RAP1GAP2: variants seen among roughly 807,000 people sequenced by gnomAD.
RAP1GAP2 encodes RAP1 GTPase activating protein 2, also known as rap1 GTPase-activating protein 2.
Under a neutral mutation model 95.0 loss-of-function variants are expected in RAP1GAP2, and 27 were observed. The observed-to-expected ratio is 0.28, with a 90% CI of 0.21 to 0.39. The LOEUF is 0.39. Ranked by LOEUF, RAP1GAP2 falls within the 10% of genes least tolerant of loss-of-function variation. RAP1GAP2 has a pLI of 1.00. For missense variants in RAP1GAP2, 771 were observed against 970.0 expected, an observed-to-expected ratio of 0.79 and a Z score of 2.72; for synonymous variants, 373 against 380.9, an observed-to-expected ratio of 0.98 and a Z score of 0.24.
intron 8 of RAP1GAP2, among the ~76,000 whole-genome samples, chr17:2,976,247 G>A (rs1296412814): frequency 6.6e-6 from 1 of 152,176 alleles, no homozygotes; most frequent in Non-Finnish European, 1.5e-5. Flanking sequence ...TGGCTAACAT[G>A]TATTCTTGCT....
chr17:2,977,134 AAAAG>A (rs2045156167), intron 8 of RAP1GAP2, among the ~76,000 whole-genome samples: 1 of 151,666 alleles, frequency 6.6e-6, no homozygotes, highest in African/African-American at 2.4e-5. Flanking sequence ...AAAAAAAAAA[AAAAG>A]AAAAAAAGAA....
chr17:2,804,574 C>T lies in RAP1GAP2; in HGVS notation c.80+4024C>T, dbSNP rs186067628. Among the ~76,000 whole-genome samples the T allele has an allele frequency of 4.4e-3, 670 of 152,268 alleles. 10 individuals are homozygous for T. Among genetic ancestry groups the T allele is most frequent in the Non-Finnish European group, 4.2e-3 (288 of 68,004 alleles). ...GGGCTGTGTATATAGAATCCGTGGC[C>T]GCAGAATGCACCTCCGCCTCCACGA... is the stretch of plus-strand genomic sequence containing the variant. On this transcript the variant is annotated intron_variant, in intron 2 of 24. Transcript: ENST00000254695.
At chr17:2,791,387 C>G (rs973263988) in intron 1 of RAP1GAP2, among the ~76,000 whole-genome samples, 3 of 152,148 alleles carry the variant, frequency 2.0e-5, no homozygotes, top group Admixed American at 6.5e-5. Context: ...GGAGCCCGTC[C>G]AGCCAGGCAT....
intron 2 of RAP1GAP2, among the ~76,000 whole-genome samples, chr17:2,884,616 C>T (rs777588623): frequency 2.4e-4 from 36 of 151,880 alleles, no homozygotes; most frequent in African/African-American, 8.0e-4. Flanking sequence ...TCAGGTGATC[C>T]GCCTGCCTCG....
chr17:2,932,346 G>GGT (rs2151414081), intron 3 of RAP1GAP2, among the ~76,000 whole-genome samples: 2 of 152,012 alleles, frequency 1.3e-5, no homozygotes, highest in African/African-American at 4.8e-5. Context: ...TCTCTCTGGG[G>GGT]GACAACTGCA....
chr17:2,795,112 A>G (rs1000542142), upstream of RAP1GAP2, among the ~76,000 whole-genome samples: 1 of 151,580 alleles, frequency 6.6e-6, no homozygotes, highest in Non-Finnish European at 1.5e-5. Context: ...TCCTGACCTC[A>G]GGTGATCCAC....
chr17:2,798,857 T>G (rs929583009), intron 1 of RAP1GAP2, among the ~76,000 whole-genome samples: 42 of 152,256 alleles, frequency 2.8e-4, no homozygotes, highest in South Asian at 1.7e-3. Flanking sequence ...GTGACCACGG[T>G]GCCTGTAGGT....
intron 1 of RAP1GAP2, among the ~76,000 whole-genome samples, chr17:2,780,575 C>T (rs2068622957): frequency 6.6e-6 from 1 of 152,212 alleles, no homozygotes; most frequent in Admixed American, 6.5e-5. Context: ...GGAGAGGTCA[C>T]AGAGTGGGGA....
chr17:2,937,510 G>A (rs2043341546), intron 3 of RAP1GAP2, among the ~76,000 whole-genome samples: 1 of 152,176 alleles, frequency 6.6e-6, no homozygotes, highest in Non-Finnish European at 1.5e-5. Context: ...CTGGCTCTGA[G>A]TAGGAGTGGA....
chr17:2,935,334 C>T (rs892613317), intron 3 of RAP1GAP2, among the ~76,000 whole-genome samples: 4 of 152,128 alleles, frequency 2.6e-5, no homozygotes, highest in Admixed American at 2.0e-4. Flanking sequence ...ATGGTGAAAC[C>T]CCATCTCTAC....
intron 2 of RAP1GAP2, among the ~76,000 whole-genome samples, chr17:2,815,814 T>C (rs117711617): frequency 0.026 from 3,908 of 152,318 alleles, 79 homozygotes; most frequent in Non-Finnish European, 0.039. Flanking sequence ...TCCTGGGCTG[T>C]GCGGTCACAC....
At chr17:2,768,921 C>T (rs2068328922) in intron 1 of RAP1GAP2, among the ~76,000 whole-genome samples, 1 of 151,800 alleles carries the variant, frequency 6.6e-6, no homozygotes, top group South Asian at 2.1e-4. Context: ...AGCCCTTCTC[C>T]TGCTGTGAAA....
intron 1 of RAP1GAP2, among the ~76,000 whole-genome samples, chr17:2,787,096 G>A (rs558064842): frequency 3.9e-4 from 59 of 151,660 alleles, no homozygotes; most frequent in African/African-American, 1.4e-3. Flanking sequence ...GGTTATAGGC[G>A]CATGCCACCA....
chr17:2,934,743 C>G (rs1031280116), intron 3 of RAP1GAP2, among the ~76,000 whole-genome samples: 1 of 152,148 alleles, frequency 6.6e-6, no homozygotes, highest in Non-Finnish European at 1.5e-5. Flanking sequence ...AGCATTTTTG[C>G]TTTCTTAGCG....
At position 2,901,484 on chromosome 17, in the gene RAP1GAP2, G is replaced by A. The variant is rs556837764; in HGVS notation, c.81-3800G>A. On this transcript the variant is annotated intron_variant, in intron 2 of 24. Transcript: ENST00000254695. ...CCCGCGTCGTTAGAGTTGCATGCGAGTATGGGGCTGGGTCGCTTGAGGGCT... is the reference window on the plus strand; with the variant it reads ...CCCGCGTCGTTAGAGTTGCATGCGAATATGGGGCTGGGTCGCTTGAGGGCT... 7.2e-5 allele frequency among the ~76,000 whole-genome samples: 11 copies of A among 152,248 alleles called. No homozygotes were observed. In the East Asian group the frequency reaches 1.5e-3, roughly 21 times the overall value.
At chr17:2,840,302 T>C (rs1003648137) in intron 2 of RAP1GAP2, among the ~76,000 whole-genome samples, 1 of 151,840 alleles carries the variant, frequency 6.6e-6, no homozygotes, top group Non-Finnish European at 1.5e-5. Flanking sequence ...TAGCTGGGAT[T>C]ACAGGCGCCC....
At position 2,962,496 on chromosome 17, in the gene RAP1GAP2, C is replaced by T. The variant is rs1349835925; in HGVS notation, c.202-174C>T. 6.3e-6 allele frequency: 4 copies of T among 638,732 alleles called. No homozygotes were observed. The African/African-American group carries it at 7.7e-5, about 12-fold the overall frequency. The allele number at this position is 638,732 out of a possible 1,614,324, so 39.6% of individuals were successfully genotyped here. ...TTAGCCCAGCGGCGCTGTTGCCTCA[C>T]CTGAGGCTGCTGTGAGGCCCGCCCC... On this transcript the variant is annotated intron_variant, in intron 4 of 24. Transcript: ENST00000254695.
intron 1 of RAP1GAP2, among the ~76,000 whole-genome samples, chr17:2,765,478 G>A (rs1299740467): frequency 3.9e-5 from 6 of 152,060 alleles, no homozygotes; most frequent in Non-Finnish European, 5.9e-5. Context: ...GGTGGCTCAC[G>A]CCTGTAATCC....
At chr17:3,026,281 G>C in intron 20 of RAP1GAP2, 69 bp from the exon 21 acceptor site, 1 of 1,401,032 alleles carries the variant, frequency 7.1e-7, no homozygotes, top group East Asian at 2.5e-5. Context: ...CAGAGGTCCC[G>C]GGGAGGACCC....
Sources: gnomAD v4.1 joint callset for allele counts (sites outside exome capture counted in the v4.1 genomes callset) on GRCh38, gnomAD v4.1.1 for gene constraint, MANE v1.5 for transcripts, NCBI Gene and HGNC (gene_info 2026-07-23, HGNC 2026-07-21) for gene names.